The following OPN3 variants were observed in gnomAD, a reference collection of about 807,000 sequenced individuals.
The protein encoded by OPN3 is opsin-3.
In OPN3, 29 loss-of-function variants were observed where a neutral mutation model predicts 33.8. The ratio of observed to expected loss-of-function variants is 0.86; its 90% CI spans 0.64 to 1.17. The LOEUF (loss-of-function observed/expected upper bound fraction) is 1.17. Among genes scored for constraint, OPN3 ranks in the 50% most tolerant of loss-of-function variants. OPN3 has a pLI of 0.00. For missense variants in OPN3, 437 were observed against 514.1 expected (o/e 0.85, Z 1.45); for synonymous variants, 216 against 216.1 (o/e 1.00, Z 0.00).
At chr1:241,596,864 G>A (rs796626259) in intron 3 of OPN3, among the ~76,000 whole-genome samples, 10 of 152,236 alleles carry the variant, frequency 6.6e-5, no homozygotes, top group South Asian at 2.1e-4. Flanking sequence ...TCGCTCTGTC[G>A]CCCAGGCTGG....
chr1:241,604,773 G>A (rs1318682788), intron 1 of OPN3, among the ~76,000 whole-genome samples, 194 bp from the exon 2 acceptor site: 1 of 152,124 alleles, frequency 6.6e-6, no homozygotes, highest in Non-Finnish European at 1.5e-5. Flanking sequence ...AGGAACCACA[G>A]AAGGGCAGTC....
In OPN3 at chr1:241,640,311, G is replaced by A. The variant is rs1274936063; in HGVS notation, c.-57C>T. The A allele has an allele frequency of 1.8e-6, 2 of 1,100,546 alleles. No individual in the cohort carries two copies. Among genetic ancestry groups the A allele is most frequent in the Non-Finnish European group, 2.2e-6 (2 of 907,898 alleles). The allele number at this position is 1,100,546 out of a possible 1,614,324, so 68.2% of individuals were successfully genotyped here. On this transcript the variant is annotated 5_prime_UTR_variant, in exon 1 of 4. Coordinates refer to ENST00000366554, the MANE Select transcript of OPN3 (RefSeq NM_014322.3). Reference sequence around the variant, plus strand: ...GCGCTCAGCTTGCGGCGGGGCTCGCGGCGCGCTCCGCACTGGGTGGGGTTG... The same window carrying A: ...GCGCTCAGCTTGCGGCGGGGCTCGCAGCGCGCTCCGCACTGGGTGGGGTTG...
chr1:241,615,808 T>C (rs1239101292), intron 1 of OPN3: 10 of 455,916 alleles, frequency 2.2e-5, no homozygotes, highest in South Asian at 1.4e-4. Flanking sequence ...TCTATGACTA[T>C]AGTTACAAAG....
chr1:241,634,710 T>TAGTGCA, intron 1 of OPN3: 1 of 1,614,016 alleles, frequency 6.2e-7, no homozygotes, highest in Non-Finnish European at 8.5e-7. Context: ...CCATCTATTG[T>TAGTGCA]AGTGCAAGAT....
At chr1:241,633,748 C>G in intron 1 of OPN3, 1 of 1,594,100 alleles carries the variant, frequency 6.3e-7, no homozygotes, top group South Asian at 1.1e-5. Context: ...TGAGAAAATT[C>G]TGATGCCATG....
chr1:241,597,482 T>C (rs1433527668), intron 3 of OPN3, among the ~76,000 whole-genome samples: 1 of 152,208 alleles, frequency 6.6e-6, no homozygotes, highest in Non-Finnish European at 1.5e-5. Context: ...CTGTTATTAC[T>C]AGGCATAAAC....
At chr1:241,625,436 T>C (rs774822869) in intron 1 of OPN3, among the ~76,000 whole-genome samples, 2 of 152,216 alleles carry the variant, frequency 1.3e-5, no homozygotes, top group African/African-American at 4.8e-5. Flanking sequence ...GTAGTTGCCA[T>C]GCATAGAAAG....
chr1:241,631,759 A>C (rs900801381), intron 1 of OPN3: 1 of 152,074 alleles, frequency 6.6e-6, no homozygotes, highest in Non-Finnish European at 1.5e-5. Context: ...TGTTTAGTTC[A>C]TCTTATCTTC....
rs1447597540 is a variant in OPN3 at position 241,640,195 on chromosome 1, G to T, written c.60C>A (p.Gly20=). 7.3e-7 allele frequency: 1 copy of T among 1,373,008 alleles called. No homozygotes were observed. The highest frequency in any genetic ancestry group is 9.4e-7 in the Non-Finnish European group (1 of 1,069,454). The allele number at this position is 1,373,008 out of a possible 1,614,324, so 85.1% of individuals were successfully genotyped here. Residue 20 remains glycine, a synonymous_variant, in exon 1 of 4, where the codon GGC becomes GGA. Coordinates refer to ENST00000366554, the MANE Select transcript of OPN3 (RefSeq NM_014322.3). ...TCCCCGCCGGCGCCGGCCCCTCAGC[G>T]CCCGCGGCCCCGCCGCCGTCCCAGT... ...HGYWDGGGAA[G]AEGPAPAGTL...
intron 1 of OPN3, among the ~76,000 whole-genome samples, chr1:241,613,785 A>G (rs1325390541): frequency 6.6e-6 from 1 of 152,146 alleles, no homozygotes; most frequent in African/African-American, 2.4e-5. Flanking sequence ...TTTCATGTTC[A>G]GTAGTCTTCA....
At chr1:241,624,601 TTC>T (rs1161178438) in intron 1 of OPN3, among the ~76,000 whole-genome samples, 1 of 152,216 alleles carries the variant, frequency 6.6e-6, no homozygotes, top group Non-Finnish European at 1.5e-5. Flanking sequence ...TACTTACAGA[TTC>T]TGACTTTCAG....
chr1:241,611,852 A>C (rs1418502933), intron 1 of OPN3, among the ~76,000 whole-genome samples: 1 of 152,142 alleles, frequency 6.6e-6, no homozygotes, highest in Admixed American at 6.5e-5. Flanking sequence ...CTTGGGCTGC[A>C]ATGAGGAAAA....
intron 1 of OPN3, among the ~76,000 whole-genome samples, chr1:241,608,979 T>G (rs1663910834): frequency 1.3e-5 from 2 of 152,186 alleles, no homozygotes; most frequent in African/African-American, 4.8e-5. Flanking sequence ...CTAACAAATT[T>G]TGGTCTTGAG....
chr1:241,604,528 C>T lies in OPN3; in HGVS notation c.425G>A (p.Arg142His), dbSNP rs775867232. The change falls in exon 2 of 4, where the codon CGC becomes CAC. Residue 142 changes from arginine to histidine, a missense_variant. Coordinates refer to ENST00000366554, the MANE Select transcript of OPN3 (RefSeq NM_014322.3). Reference sequence around the variant, plus strand: ...ATTGATCACTCTGGCATGGACCACGCGAATGTAACGTTCATAGGCCAGCAC... The same window carrying T: ...ATTGATCACTCTGGCATGGACCACGTGAATGTAACGTTCATAGGCCAGCAC... ...LTVLAYERYI[R>H]VVHARVINFS... 38 of 1,613,816 alleles carry T rather than the reference C, an allele frequency of 2.4e-5. No homozygotes were observed. The highest frequency in any genetic ancestry group is 2.7e-5 in the Non-Finnish European group (32 of 1,179,978).
rs997460140 is a variant in OPN3, at chr1:241,593,208, A to G, written c.*1220T>C. ...GGAAACAAGGGGAGACAACTTTTATAGAAATACAAAGCCATTACTTTATTC... is the reference window on the plus strand; with the variant it reads ...GGAAACAAGGGGAGACAACTTTTATGGAAATACAAAGCCATTACTTTATTC... On this transcript the variant is annotated 3_prime_UTR_variant, in exon 4 of 4. Coordinates refer to ENST00000366554, the MANE Select transcript of OPN3 (RefSeq NM_014322.3). The G allele has an allele frequency of 1.2e-4, 29 of 246,882 alleles. 1 individual carries two copies. The highest frequency in any genetic ancestry group is 1.1e-3 in the Admixed American group (26 of 24,440). 15.3% of individuals were successfully genotyped at this position (246,882 alleles called of 1,614,324 possible). A position where few individuals can be genotyped will look rare whatever the true frequency, so the allele number is the denominator to read the frequency against.
chr1:241,636,282 T>C (rs769272147), intron 1 of OPN3, among the ~76,000 whole-genome samples: 3 of 152,170 alleles, frequency 2.0e-5, no homozygotes, highest in Admixed American at 6.5e-5. Context: ...TCAGGCAACA[T>C]AGTAATAGAG....
intron 1 of OPN3, among the ~76,000 whole-genome samples, chr1:241,617,750 A>C (rs1225444033): frequency 6.6e-6 from 1 of 152,246 alleles, no homozygotes; most frequent in Non-Finnish European, 1.5e-5. Flanking sequence ...TCAGGACCAT[A>C]TGAGAAGAAT....
rs1035718943 is a variant in OPN3 at position 241,594,287 on chromosome 1, A to G, written c.*141T>C. On this transcript the variant is annotated 3_prime_UTR_variant, in exon 4 of 4. Coordinates refer to ENST00000366554, the MANE Select transcript of OPN3 (RefSeq NM_014322.3). ...CAACCTCTTCCTGAGGCCCAAGAGCATATGGGCAATTCGGATTTCCTGCTG... is the reference window on the plus strand; with the variant it reads ...CAACCTCTTCCTGAGGCCCAAGAGCGTATGGGCAATTCGGATTTCCTGCTG... 24 of 888,300 alleles carry G rather than the reference A, an allele frequency of 2.7e-5. No individual in the cohort carries two copies. Among genetic ancestry groups the G allele is most frequent in the African/African-American group, 5.0e-5 (3 of 59,866 alleles). The allele number at this position is 888,300 out of a possible 1,614,324, so 55.0% of individuals were successfully genotyped here.
At chr1:241,617,657 C>G (rs1406991561) in intron 1 of OPN3, among the ~76,000 whole-genome samples, 2 of 152,222 alleles carry the variant, frequency 1.3e-5, no homozygotes, top group Non-Finnish European at 2.9e-5. Flanking sequence ...GCGAGTGCGA[C>G]TCTTCTCTCA....
Sources: gnomAD v4.1 joint callset for allele counts (sites outside exome capture counted in the v4.1 genomes callset) on GRCh38, gnomAD v4.1.1 for gene constraint, MANE v1.5 for transcripts, NCBI Gene and HGNC (gene_info 2026-07-23, HGNC 2026-07-21) for gene names.